Variants in QTMAN observed in about 807,000 individuals in gnomAD.
The protein encoded by QTMAN is tRNA-queuosine alpha-mannosyltransferase.
At chr2:144,145,128 AGGC>A in the QTMAN span, among the ~76,000 whole-genome samples, 1 of 149,732 alleles carries the variant, frequency 6.7e-6, no homozygotes, top group Non-Finnish European at 1.5e-5. Context: ...AAAAAAAAAA[AGGC>A]GGGGGAGACA....
the QTMAN span, among the ~76,000 whole-genome samples, chr2:144,232,389 C>T: frequency 3.8e-4 from 58 of 152,174 alleles, no homozygotes; most frequent in African/African-American, 1.3e-3. Context: ...TTAGATTGCA[C>T]AATTTTATCT....
the QTMAN span, among the ~76,000 whole-genome samples, chr2:144,224,870 G>A: frequency 6.6e-6 from 1 of 152,002 alleles, no homozygotes; most frequent in African/African-American, 2.4e-5. Flanking sequence ...ATATAGTCTC[G>A]GGTCTCAGGC....
chr2:144,084,698 T>G, the QTMAN span, among the ~76,000 whole-genome samples: 4 of 152,330 alleles, frequency 2.6e-5, no homozygotes, highest in East Asian at 7.7e-4. Context: ...GACAGTAACA[T>G]ATTGTCTTAC....
chr2:144,209,875 T>C, the QTMAN span, among the ~76,000 whole-genome samples: 1 of 152,184 alleles, frequency 6.6e-6, no homozygotes, highest in African/African-American at 2.4e-5. Flanking sequence ...TTCTTAATAA[T>C]GTTGTTCCAC....
the QTMAN span, among the ~76,000 whole-genome samples, chr2:144,327,386 T>A: frequency 2.0e-5 from 3 of 152,090 alleles, no homozygotes; most frequent in Admixed American, 2.0e-4. Context: ...CCTGAACAAA[T>A]GAAAGCTCAA....
At chr2:144,142,186 A>G in the QTMAN span, 5 of 554,462 alleles carry the variant, frequency 9.0e-6, no homozygotes, top group Non-Finnish European at 1.6e-5. Flanking sequence ...TCTTCACTTC[A>G]TATCAGTATC....
chr2:144,208,745 A>T, the QTMAN span: 48 of 1,613,546 alleles, frequency 3.0e-5, no homozygotes, highest in East Asian at 6.5e-4. Flanking sequence ...TGTTTATGGG[A>T]GCCTCCATAG....
chr2:144,198,748 T>C, the QTMAN span, among the ~76,000 whole-genome samples: 27 of 152,298 alleles, frequency 1.8e-4, no homozygotes, highest in Admixed American at 7.2e-4. Context: ...CCATCACCTA[T>C]AGTAAAAGCT....
chr2:143,987,024 G>C, the QTMAN span, among the ~76,000 whole-genome samples: 6 of 152,150 alleles, frequency 3.9e-5, no homozygotes, highest in African/African-American at 1.2e-4. Context: ...AGTGCAACTG[G>C]GCAGTGCCTG....
the QTMAN span, among the ~76,000 whole-genome samples, chr2:143,969,936 A>T: frequency 6.6e-6 from 1 of 152,204 alleles, no homozygotes; most frequent in Non-Finnish European, 1.5e-5. Context: ...GGCAAAGGTT[A>T]TTTCTGAAAT....
chr2:144,279,937 T>C, the QTMAN span, among the ~76,000 whole-genome samples: 2 of 152,074 alleles, frequency 1.3e-5, no homozygotes, highest in African/African-American at 4.8e-5. Flanking sequence ...TTAGAAGTTG[T>C]GGCAAGGGGG....
the QTMAN span, among the ~76,000 whole-genome samples, chr2:144,321,103 C>T: frequency 6.6e-6 from 1 of 152,170 alleles, no homozygotes; most frequent in African/African-American, 2.4e-5. Context: ...TATATCACCC[C>T]CCACAACCAA....
chr2:144,192,171 A>G, the QTMAN span, among the ~76,000 whole-genome samples: 1 of 151,818 alleles, frequency 6.6e-6, no homozygotes, highest in Admixed American at 6.6e-5. Flanking sequence ...CAGTGGTGCA[A>G]TCTCAGCTCA....
At chr2:144,182,829 A>T in the QTMAN span, among the ~76,000 whole-genome samples, 54 of 61,170 alleles carry the variant, frequency 8.8e-4, no homozygotes, top group African/African-American at 3.5e-3. Context: ...TATATATATA[A>T]TATATATATA....
the QTMAN span, among the ~76,000 whole-genome samples, chr2:144,322,731 G>C: frequency 1.3e-5 from 2 of 152,170 alleles, no homozygotes; most frequent in African/African-American, 2.4e-5. Flanking sequence ...TTAAGGGTTA[G>C]TCGAAATATG....
the QTMAN span, among the ~76,000 whole-genome samples, chr2:144,047,695 G>A: frequency 6.6e-6 from 1 of 152,146 alleles, no homozygotes; most frequent in African/African-American, 2.4e-5. Flanking sequence ...TTTTATGGTA[G>A]CGCCCTTCAA....
At chr2:144,119,808 C>T in the QTMAN span, among the ~76,000 whole-genome samples, 17 of 152,244 alleles carry the variant, frequency 1.1e-4, no homozygotes, top group African/African-American at 3.1e-4. Flanking sequence ...TTTTTCTTCA[C>T]TAGATCCTGT....
chr2:144,153,563 T>C, the QTMAN span, among the ~76,000 whole-genome samples: 2 of 152,040 alleles, frequency 1.3e-5, no homozygotes, highest in African/African-American at 2.4e-5. Flanking sequence ...TGGTGGCAGG[T>C]GCCTGTAGTC....
the QTMAN span, among the ~76,000 whole-genome samples, chr2:143,997,141 A>G: frequency 2.0e-5 from 3 of 152,010 alleles, no homozygotes; most frequent in African/African-American, 7.2e-5. Context: ...ATCTTTTTCT[A>G]CTCTGTAAAT....
Sources: allele counts gnomAD v4.1 joint callset (sites outside exome capture counted in the v4.1 genomes callset), GRCh38; gene constraint gnomAD v4.1.1; transcripts MANE v1.5; gene names NCBI Gene and HGNC (gene_info 2026-07-23, HGNC 2026-07-21).